The following PLPPR5 variants were observed in gnomAD, a reference collection of about 807,000 sequenced individuals.
PLPPR5 encodes phospholipid phosphatase-related protein type 5.
In PLPPR5, 16 loss-of-function variants were observed where a neutral mutation model predicts 33.9. That is an observed-to-expected ratio of 0.47 (90% CI 0.32 to 0.72). The LOEUF is 0.72. Ranked by LOEUF, PLPPR5 falls within the 30% of genes least tolerant of loss-of-function variation. The pLI is 0.03. For missense variants in PLPPR5, 301 were observed against 406.7 expected, an observed-to-expected ratio of 0.74 and a Z score of 2.23; for synonymous variants, 163 against 150.3, an observed-to-expected ratio of 1.08 and a Z score of -0.62.
At chr1:98,988,181 C>T (rs1433295202) in intron 1 of PLPPR5, among the ~76,000 whole-genome samples, 5 of 152,098 alleles carry the variant, frequency 3.3e-5, no homozygotes, top group Non-Finnish European at 7.4e-5. Flanking sequence ...ATTTGACTTC[C>T]CAGCCTTGAG....
chr1:98,965,811 A>G (rs1651429243), intron 1 of PLPPR5, among the ~76,000 whole-genome samples: 1 of 152,226 alleles, frequency 6.6e-6, no homozygotes, highest in Non-Finnish European at 1.5e-5. Context: ...AAAGATATCC[A>G]TGCATCATTG....
chr1:98,939,868 C>A (rs1036973299), intron 3 of PLPPR5, among the ~76,000 whole-genome samples: 2 of 151,942 alleles, frequency 1.3e-5, no homozygotes, highest in Non-Finnish European at 2.9e-5. Flanking sequence ...TCTCCTTTCA[C>A]CTCATTTTGC....
At chr1:98,899,751 CG>C (rs1342510421) in intron 5 of PLPPR5, among the ~76,000 whole-genome samples, 1 of 151,296 alleles carries the variant, frequency 6.6e-6, no homozygotes, top group Non-Finnish European at 1.5e-5. Flanking sequence ...CTCCGCCTCC[CG>C]GGTTCAAGCA....
chr1:98,910,135 T>C (rs1413827701), intron 5 of PLPPR5, among the ~76,000 whole-genome samples: 2 of 152,304 alleles, frequency 1.3e-5, no homozygotes, highest in East Asian at 1.9e-4. Flanking sequence ...ACGAAACCCT[T>C]TGCCTTCTCC....
chr1:99,003,094 T>TATATATATAC, intron 1 of PLPPR5, among the ~76,000 whole-genome samples: 2 of 132,456 alleles, frequency 1.5e-5, no homozygotes, highest in Non-Finnish European at 3.3e-5. Context: ...TATATATATA[T>TATATATATAC]ATGTAAAACA....
chr1:99,004,204 C>A, intron 1 of PLPPR5: 1 of 550,786 alleles, frequency 1.8e-6, no homozygotes, highest in Middle Eastern at 4.7e-4. Context: ...AGTCACCCAA[C>A]GCTGAAGCCA....
At position 99,001,255 on chromosome 1, in the gene PLPPR5, C is replaced by G. The variant is rs575159478; in HGVS notation, c.237+3180G>C. On this transcript the variant is annotated intron_variant, in intron 1 of 5. Coordinates refer to ENST00000263177, the MANE Select transcript of PLPPR5 (RefSeq NM_001037317.2). ...GTTCACGCCATTCTCCTGCCTCAGCCTCCTCAGTAGCTGGGACTACAGGCG... is the reference window on the plus strand; with the variant it reads ...GTTCACGCCATTCTCCTGCCTCAGCGTCCTCAGTAGCTGGGACTACAGGCG... Among the ~76,000 whole-genome samples the G allele has an allele frequency of 9.2e-5, 14 of 151,954 alleles. No homozygotes were observed. In the East Asian group the frequency reaches 2.7e-3, roughly 30 times the overall value.
chr1:98,979,473 T>C (rs1033114736), intron 1 of PLPPR5, among the ~76,000 whole-genome samples: 1 of 152,118 alleles, frequency 6.6e-6, no homozygotes, highest in Non-Finnish European at 1.5e-5. Flanking sequence ...GTTGCTATTA[T>C]AGACATCACA....
chr1:98,998,408 T>C (rs192102818), intron 1 of PLPPR5, among the ~76,000 whole-genome samples: 34 of 152,228 alleles, frequency 2.2e-4, no homozygotes, highest in Admixed American at 3.3e-4. Flanking sequence ...ATCAAAACAA[T>C]AGAAATATCT....
At chr1:98,988,574 T>A (rs1208538162) in intron 1 of PLPPR5, among the ~76,000 whole-genome samples, 1 of 152,072 alleles carries the variant, frequency 6.6e-6, no homozygotes, top group Non-Finnish European at 1.5e-5. Flanking sequence ...AAGCTAAAAC[T>A]GGACAACTCA....
intron 3 of PLPPR5, among the ~76,000 whole-genome samples, chr1:98,945,193 A>G (rs1650508290): frequency 1.3e-5 from 2 of 152,250 alleles, no homozygotes; most frequent in Non-Finnish European, 2.9e-5. Context: ...GATGATATGT[A>G]GAGCAGAACA....
rs530345420 is a variant in PLPPR5, at chr1:98,977,162, G to A, written c.238-20421C>T. Among the ~76,000 whole-genome samples, 4 of 152,086 alleles carry A rather than the reference G, an allele frequency of 2.6e-5. No homozygotes were observed. The South Asian group carries it at 8.3e-4, about 32-fold the overall frequency. On this transcript the variant is annotated intron_variant, in intron 1 of 5. Transcript: ENST00000263177. ...TTAAAAGATAAAATGCCATATGATG[G>A]AGACTCCACCAGGCAACTGGGCATA...
chr1:99,002,560 T>C (rs1387652932), intron 1 of PLPPR5, among the ~76,000 whole-genome samples: 1 of 152,140 alleles, frequency 6.6e-6, no homozygotes, highest in Non-Finnish European at 1.5e-5. Context: ...CTCTGAGAAA[T>C]ATACGTGACT....
chr1:98,997,823 C>T (rs1652682847), intron 1 of PLPPR5, among the ~76,000 whole-genome samples: 1 of 152,170 alleles, frequency 6.6e-6, no homozygotes, highest in South Asian at 2.1e-4. Context: ...ATTGTCTCCA[C>T]AGTGTTTTCT....
Position 98,892,733 on chromosome 1 carries a change from G to A in PLPPR5, c.*339C>T. On this transcript the variant is annotated 3_prime_UTR_variant, in exon 6 of 6. Transcript: ENST00000263177. The stretch of plus-strand genomic sequence containing the variant: ...TTCATACACAAATACGATTTATGTA[G>A]AGATTTCTTTTAACATAATTGCAAT... 4.5e-6 allele frequency: 1 copy of A among 219,936 alleles called. No homozygotes were observed. The highest frequency in any genetic ancestry group is 8.9e-6 in the Non-Finnish European group (1 of 112,840). 13.6% of individuals were successfully genotyped at this position (219,936 alleles called of 1,614,324 possible). A position where few individuals can be genotyped will look rare whatever the true frequency, so the allele number is the denominator to read the frequency against.
chr1:98,991,573 T>C (rs1327192382), intron 1 of PLPPR5, among the ~76,000 whole-genome samples: 1 of 152,184 alleles, frequency 6.6e-6, no homozygotes, highest in Non-Finnish European at 1.5e-5. Flanking sequence ...CCATGTTATA[T>C]GAAGTTAAAG....
In PLPPR5 at chr1:98,890,759, T is replaced by C. The variant is rs1181428311; in HGVS notation, c.*2313A>G. 1.3e-5 allele frequency: 2 copies of C among 152,572 alleles called. No homozygotes were observed. Among genetic ancestry groups the C allele is most frequent in the African/African-American group, 2.4e-5 (1 of 41,438 alleles). The allele number at this position is 152,572 out of a possible 1,614,324, so 9.5% of individuals were successfully genotyped here. ...CTTATTCACATGTATCTTGCCTTTTTCATCTGAATTTTCTTCATGACAGCA... is the reference window on the plus strand; with the variant it reads ...CTTATTCACATGTATCTTGCCTTTTCCATCTGAATTTTCTTCATGACAGCA... On this transcript the variant is annotated 3_prime_UTR_variant, in exon 6 of 6. Transcript: ENST00000263177.
intron 3 of PLPPR5, 147 bp from the exon 4 acceptor site, chr1:98,922,205 A>C: frequency 1.2e-6 from 1 of 806,068 alleles, no homozygotes; most frequent in Non-Finnish European, 1.9e-6. Flanking sequence ...GAAGTTTTTG[A>C]AATCAGTTTC....
intron 3 of PLPPR5, among the ~76,000 whole-genome samples, chr1:98,940,101 G>GT (rs1198837553): frequency 6.6e-6 from 1 of 151,818 alleles, no homozygotes; most frequent in African/African-American, 2.4e-5. Flanking sequence ...GCATTATGCA[G>GT]TAAGGGAGGG....
Sources: gnomAD v4.1 joint callset for allele counts (sites outside exome capture counted in the v4.1 genomes callset) on GRCh38, gnomAD v4.1.1 for gene constraint, MANE v1.5 for transcripts, NCBI Gene and HGNC (gene_info 2026-07-23, HGNC 2026-07-21) for gene names.